CSMD1: variants seen among roughly 807,000 people sequenced by gnomAD.
CSMD1 encodes the protein CUB and Sushi multiple domains 1.
CSMD1 carries 213 observed loss-of-function variants against 417.5 expected under a neutral mutation model. That is an observed-to-expected ratio of 0.51 (90% CI 0.46 to 0.57). CSMD1 has a LOEUF of 0.57. Among genes scored for constraint, CSMD1 ranks in the 20% least tolerant of loss-of-function variants. The pLI is 0.00. For missense variants in CSMD1, 6,923 were observed against 4,529.7 expected (o/e 1.53, Z -15.17); for synonymous variants, 2,862 against 1,736.8 (o/e 1.65, Z -16.11).
At chr8:4,391,473 T>A (rs577752514) in intron 3 of CSMD1, among the ~76,000 whole-genome samples, 5 of 152,032 alleles carry the variant, frequency 3.3e-5, no homozygotes, top group African/African-American at 7.2e-5. Flanking sequence ...CATATGAACA[T>A]AGAACTCTGA....
chr8:3,181,197 G>A lies in CSMD1; in HGVS notation c.5638C>T (p.Leu1880=), dbSNP rs1404469814. 1 of 1,613,400 alleles carries A rather than the reference G, an allele frequency of 6.2e-7. No individual in the cohort carries two copies. The highest frequency in any genetic ancestry group is 1.3e-5 in the African/African-American group (1 of 75,030). The part of the protein sequence containing the change: ...GSFSGTTVPA[L]LNSTSNQLYL... Reference sequence around the variant, plus strand: ...AGTTGGTTGGAAGTACTGTTCAGCAGTGCCGGTACTGTGGTGCCTGTAAGA... The same window carrying A: ...AGTTGGTTGGAAGTACTGTTCAGCAATGCCGGTACTGTGGTGCCTGTAAGA... Residue 1880 remains leucine (L), a synonymous_variant, in exon 37 of 70, where the codon CTG becomes TTG. Coordinates refer to ENST00000635120, the MANE Select transcript of CSMD1 (RefSeq NM_033225.6).
chr8:3,985,808 A>G (rs1814281427), intron 5 of CSMD1, among the ~76,000 whole-genome samples: 1 of 150,584 alleles, frequency 6.6e-6, no homozygotes, highest in South Asian at 2.1e-4. Context: ...CAGATTGGAC[A>G]GGGTGAGACA....
intron 49 of CSMD1, among the ~76,000 whole-genome samples, chr8:3,076,664 T>C (rs1585288847): frequency 1.3e-5 from 2 of 152,276 alleles, no homozygotes; most frequent in Admixed American, 1.3e-4. Flanking sequence ...AGCTGTTTCC[T>C]CCCAGCAACA....
chr8:4,029,206 T>A (rs778603925), intron 4 of CSMD1, among the ~76,000 whole-genome samples: 1 of 152,176 alleles, frequency 6.6e-6, no homozygotes, highest in Admixed American at 6.5e-5. Flanking sequence ...CGAGAGGTGA[T>A]GAAAATAGGC....
At chr8:4,010,853 C>T (rs1816486169) in intron 4 of CSMD1, among the ~76,000 whole-genome samples, 1 of 152,176 alleles carries the variant, frequency 6.6e-6, no homozygotes, top group Non-Finnish European at 1.5e-5. Context: ...TATATCCTTG[C>T]AGGTAAAACA....
At chr8:4,958,646 C>T (rs1229188447) in intron 1 of CSMD1, among the ~76,000 whole-genome samples, 1 of 152,088 alleles carries the variant, frequency 6.6e-6, no homozygotes, top group Non-Finnish European at 1.5e-5. Flanking sequence ...CTATGTGAAC[C>T]AGTCTTTCTG....
intron 2 of CSMD1, among the ~76,000 whole-genome samples, chr8:4,492,895 C>CCTGTG (rs1259089164): frequency 7.2e-5 from 11 of 152,170 alleles, no homozygotes; most frequent in African/African-American, 2.7e-4. Context: ...TTAACATGGG[C>CCTGTG]CTGTGCTATC....
intron 52 of CSMD1, among the ~76,000 whole-genome samples, chr8:3,017,628 G>T (rs187158874): frequency 1.3e-5 from 2 of 151,992 alleles, no homozygotes; most frequent in Admixed American, 1.3e-4. Context: ...TTTGGTGGTT[G>T]GTTTTTCTCT....
rs917855233 is a variant in CSMD1, at chr8:3,660,656, G to C, written c.1010-43859C>G. On this transcript the variant is annotated intron_variant, in intron 7 of 69. Coordinates refer to ENST00000635120, the MANE Select transcript of CSMD1 (RefSeq NM_033225.6). ...CTACCTCAGCCTCCTGAGTAGCTGG[G>C]ATTACAGGGTCCCTCCACCACACCT... Among the ~76,000 whole-genome samples, 5 of 151,624 alleles carry C rather than the reference G, an allele frequency of 3.3e-5. No homozygotes were observed. In the South Asian group the frequency reaches 1.0e-3, roughly 32 times the overall value.
At position 3,565,189 on chromosome 8, in the gene CSMD1, CATAGATAGACAG is replaced by C. The variant is rs1435579815; in HGVS notation, c.1344+9744_1344+9755del. Among the ~76,000 whole-genome samples, 12 of 14,370 alleles carry C rather than the reference CATAGATAGACAG, an allele frequency of 8.4e-4. No individual in the cohort carries two copies. In the East Asian group the frequency reaches 0.011, roughly 13 times the overall value. The allele number at this position is 14,370 out of a possible 152,430, so 9.4% of individuals were successfully genotyped here. A position where few individuals can be genotyped will look rare whatever the true frequency, so the allele number is the denominator to read the frequency against. On this transcript the variant is annotated intron_variant, in intron 10 of 69. Coordinates refer to ENST00000635120, the MANE Select transcript of CSMD1 (RefSeq NM_033225.6). ...AGAGATCAAGAAAGAAAGAAAGATA[CATAGATAGACAG>C]ATAGATAGATAGAGAGATAGACAGA...
At chr8:2,943,804 T>C (rs1802045900) in intron 68 of CSMD1, among the ~76,000 whole-genome samples, 2 of 152,340 alleles carry the variant, frequency 1.3e-5, no homozygotes, top group East Asian at 1.9e-4. Context: ...ATGATTGGCG[T>C]CATCTCAATA....
chr8:3,113,195 C>A, intron 42 of CSMD1: 1 of 152,258 alleles, frequency 6.6e-6, no homozygotes, highest in Non-Finnish European at 1.5e-5. Context: ...ACAGCAGGTA[C>A]CTCCCAGCTC....
intron 1 of CSMD1, among the ~76,000 whole-genome samples, chr8:4,911,333 C>T (rs1438418959): frequency 6.6e-6 from 1 of 152,162 alleles, no homozygotes; most frequent in Non-Finnish European, 1.5e-5. Flanking sequence ...AACCAATATG[C>T]AGATGAAAGA....
intron 52 of CSMD1, among the ~76,000 whole-genome samples, chr8:3,011,005 C>A (rs1261203382): frequency 6.6e-6 from 1 of 152,078 alleles, no homozygotes; most frequent in African/African-American, 2.4e-5. Context: ...GGATTACAGG[C>A]GTGAGCCACC....
chr8:3,700,529 G>A (rs937228227), intron 7 of CSMD1: 2 of 152,282 alleles, frequency 1.3e-5, no homozygotes, highest in Non-Finnish European at 2.9e-5. Context: ...CCTGATCTCG[G>A]AACCTAAGCA....
intron 25 of CSMD1, among the ~76,000 whole-genome samples, chr8:3,295,445 T>C (rs1040143795): frequency 6.6e-6 from 1 of 152,160 alleles, no homozygotes; most frequent in African/African-American, 2.4e-5. Context: ...TTTTGTACTA[T>C]TATGGGAGAG....
chr8:3,667,926 C>T (rs1338273034), intron 7 of CSMD1, among the ~76,000 whole-genome samples: 1 of 152,150 alleles, frequency 6.6e-6, no homozygotes, highest in African/African-American at 2.4e-5. Context: ...GGAGACACCA[C>T]TGGTGCCAAT....
chr8:4,887,178 A>G (rs773835830), intron 1 of CSMD1, among the ~76,000 whole-genome samples: 1 of 152,082 alleles, frequency 6.6e-6, no homozygotes, highest in South Asian at 2.1e-4. Context: ...TTCAGTCATT[A>G]TATGCCTTTA....
intron 11 of CSMD1, among the ~76,000 whole-genome samples, chr8:3,493,388 A>C (rs1381610768): frequency 6.6e-6 from 1 of 152,086 alleles, no homozygotes; most frequent in Admixed American, 6.6e-5. Flanking sequence ...TTTGCCATAA[A>C]CATATATGTT....
Sources: allele counts gnomAD v4.1 joint callset (sites outside exome capture counted in the v4.1 genomes callset), GRCh38; gene constraint gnomAD v4.1.1; transcripts MANE v1.5; gene names NCBI Gene and HGNC (gene_info 2026-07-23, HGNC 2026-07-21).